The following STXBP5L variants were observed in gnomAD, a reference collection of about 807,000 sequenced individuals.
STXBP5L encodes syntaxin-binding protein 5-like.
A neutral mutation model predicts 144.5 loss-of-function variants in STXBP5L; 65 were observed. The ratio of observed to expected loss-of-function variants is 0.45; its 90% CI spans 0.37 to 0.55. The LOEUF (loss-of-function observed/expected upper bound fraction) is 0.55. Among genes scored for constraint, STXBP5L ranks in the 20% least tolerant of loss-of-function variants. The pLI is 0.00. For synonymous variants in STXBP5L, 505 were observed against 469.6 expected, an observed-to-expected ratio of 1.08 and a Z score of -0.97; for missense variants, 1,298 against 1,405.5, an observed-to-expected ratio of 0.92 and a Z score of 1.22.
intron 9 of STXBP5L, among the ~76,000 whole-genome samples, chr3:121,168,004 G>C (rs1228206918): frequency 6.6e-6 from 1 of 152,180 alleles, no homozygotes; most frequent in African/African-American, 2.4e-5. Context: ...AATCTTCGCT[G>C]TTCTGCAGCC....
chr3:120,937,954 T>C (rs762225002), intron 2 of STXBP5L, among the ~76,000 whole-genome samples: 6 of 152,114 alleles, frequency 3.9e-5, no homozygotes, highest in Non-Finnish European at 4.4e-5. Flanking sequence ...TATTTTAAAA[T>C]TGAGAAGTGT....
chr3:121,058,141 A>G (rs1384959278), intron 5 of STXBP5L, among the ~76,000 whole-genome samples: 4 of 152,076 alleles, frequency 2.6e-5, no homozygotes, highest in Non-Finnish European at 5.9e-5. Context: ...CCCATCACCC[A>G]ACAGGACCAG....
intron 22 of STXBP5L, among the ~76,000 whole-genome samples, chr3:121,388,324 A>G (rs1464370518): frequency 6.6e-6 from 1 of 152,174 alleles, no homozygotes; most frequent in East Asian, 1.9e-4. Flanking sequence ...TTCTAAATAT[A>G]CAATCATGTC....
chr3:121,188,101 T>C (rs990914287), intron 9 of STXBP5L, among the ~76,000 whole-genome samples: 1 of 152,014 alleles, frequency 6.6e-6, no homozygotes, highest in Non-Finnish European at 1.5e-5. Context: ...AATTTAACAC[T>C]CTACTGTCAG....
At chr3:121,413,870 C>T (rs192506471) in intron 24 of STXBP5L, among the ~76,000 whole-genome samples, 1 of 152,072 alleles carries the variant, frequency 6.6e-6, no homozygotes, top group African/African-American at 2.4e-5. Flanking sequence ...AACTATTTAA[C>T]CCCCCTCATT....
intron 2 of STXBP5L, among the ~76,000 whole-genome samples, chr3:120,913,160 A>G (rs1233083969): frequency 6.6e-6 from 1 of 152,010 alleles, no homozygotes; most frequent in East Asian, 1.9e-4. Context: ...TGTGATTAAA[A>G]AAGTTTCTTA....
At chr3:121,080,742 T>C (rs2042216571) in intron 5 of STXBP5L, among the ~76,000 whole-genome samples, 1 of 152,248 alleles carries the variant, frequency 6.6e-6, no homozygotes, top group African/African-American at 2.4e-5. Context: ...ATAGGTTATC[T>C]GATGCTTTTG....
At chr3:121,384,388 G>A (rs370564457) in intron 22 of STXBP5L, among the ~76,000 whole-genome samples, 4 of 152,080 alleles carry the variant, frequency 2.6e-5, no homozygotes, top group African/African-American at 9.7e-5. Flanking sequence ...CAGAGGCTGG[G>A]CGCAGTGGCT....
At chr3:121,031,172 G>T (rs948428952) in intron 3 of STXBP5L, among the ~76,000 whole-genome samples, 1 of 152,080 alleles carries the variant, frequency 6.6e-6, no homozygotes, top group Non-Finnish European at 1.5e-5. Context: ...TATTATTCTC[G>T]TGGCAGGAGA....
At chr3:121,043,320 GCTTA>G (rs1281170785) in intron 4 of STXBP5L, among the ~76,000 whole-genome samples, 1 of 152,044 alleles carries the variant, frequency 6.6e-6, no homozygotes, top group Non-Finnish European at 1.5e-5. Flanking sequence ...GTGGTGTTCT[GCTTA>G]CTTTCATGTG....
chr3:121,325,813 C>G (rs2044125107), intron 20 of STXBP5L, among the ~76,000 whole-genome samples: 1 of 151,814 alleles, frequency 6.6e-6, no homozygotes, highest in Admixed American at 6.6e-5. Flanking sequence ...ATCCTTACAT[C>G]TATGTAATAC....
chr3:121,050,517 T>G lies in STXBP5L; in HGVS notation c.470+4982T>G, dbSNP rs917248797. Among the ~76,000 whole-genome samples the G allele has an allele frequency of 7.9e-5, 12 of 152,178 alleles. 1 individual carries two copies. The South Asian group carries it at 2.1e-3, about 26-fold the overall frequency. Reference sequence around the variant, plus strand: ...TAATTGAAGGAGAAATAAAATACTTTACAGACAAGCAAATGCTGAGAGATT... The same window carrying G: ...TAATTGAAGGAGAAATAAAATACTTGACAGACAAGCAAATGCTGAGAGATT... On this transcript the variant is annotated intron_variant, in intron 5 of 26. Transcript: ENST00000471454.
intron 20 of STXBP5L, among the ~76,000 whole-genome samples, chr3:121,342,704 C>T (rs1452926492): frequency 6.6e-6 from 1 of 151,012 alleles, no homozygotes; most frequent in Non-Finnish European, 1.5e-5. Context: ...GCATAGTATA[C>T]CATGTTGTAT....
intron 5 of STXBP5L, among the ~76,000 whole-genome samples, chr3:121,095,551 G>A (rs986558035): frequency 8.6e-5 from 13 of 152,028 alleles, no homozygotes; most frequent in Admixed American, 2.0e-4. Flanking sequence ...TTCAATCACT[G>A]ATAACCTTTC....
Position 121,084,012 on chromosome 3 carries a change from A to T in STXBP5L, c.471-30913A>T, listed in dbSNP as rs137879109. On this transcript the variant is annotated intron_variant, in intron 5 of 26. Transcript: ENST00000471454. ...CTCCTACTAGAGATTTTTCTATTTT[A>T]TGTAACTTTTCAAGGAAACTGCTTT... 3.3e-5 allele frequency among the ~76,000 whole-genome samples: 5 copies of T among 151,672 alleles called. No homozygotes were observed. In the East Asian group the frequency reaches 9.7e-4, roughly 29 times the overall value.
chr3:121,376,730 C>A (rs913109873), intron 20 of STXBP5L, among the ~76,000 whole-genome samples: 2 of 152,006 alleles, frequency 1.3e-5, no homozygotes, highest in Admixed American at 1.3e-4. Context: ...TTTTTTGGTT[C>A]CATATGAAAC....
At chr3:121,130,052 A>T (rs1468024632) in intron 7 of STXBP5L, among the ~76,000 whole-genome samples, 1 of 152,144 alleles carries the variant, frequency 6.6e-6, no homozygotes, top group African/African-American at 2.4e-5. Flanking sequence ...ACTAATTTTT[A>T]TATCACCCAA....
intron 2 of STXBP5L, among the ~76,000 whole-genome samples, chr3:120,950,356 C>T (rs1711130811): frequency 6.6e-6 from 1 of 152,050 alleles, no homozygotes. Flanking sequence ...TCTGGAATCT[C>T]ATTTCCGTTC....
intron 20 of STXBP5L, among the ~76,000 whole-genome samples, chr3:121,375,640 G>A (rs939979371): frequency 6.6e-6 from 1 of 152,200 alleles, no homozygotes; most frequent in African/African-American, 2.4e-5. Context: ...TTAAGTGTTT[G>A]ATAAATGTTA....
Sources: allele counts gnomAD v4.1 joint callset (sites outside exome capture counted in the v4.1 genomes callset), GRCh38; gene constraint gnomAD v4.1.1; transcripts MANE v1.5; gene names NCBI Gene and HGNC (gene_info 2026-07-23, HGNC 2026-07-21).